Variants in P2RY8 observed in about 807,000 individuals in gnomAD.
The protein encoded by P2RY8 is P2Y receptor family member 8.
Under a neutral mutation model 10.0 loss-of-function variants are expected in P2RY8, and 6 were observed. That is an observed-to-expected ratio of 0.60 (90% CI 0.33 to 1.19). P2RY8 has a LOEUF of 1.19. Ranked by LOEUF, P2RY8 falls within the 50% of genes most tolerant of loss-of-function variation. The probability of loss-of-function intolerance (pLI) is 0.04; values close to 1 mark genes in which losing one functional copy is unlikely to be tolerated. For synonymous variants in P2RY8, 276 were observed against 252.5 expected (o/e 1.09, Z -0.88); for missense variants, 456 against 542.0 (o/e 0.84, Z 1.58).
chrX:1,465,892 T>A lies in P2RY8; in HGVS notation c.667A>T (p.Thr223Ser). The A allele has an allele frequency of 6.2e-7, 1 of 1,612,458 alleles. No homozygotes were observed. The highest frequency in any genetic ancestry group is 2.2e-5 in the East Asian group (1 of 44,860). The change falls in exon 2 of 2, where the codon ACG becomes TCG. Residue 223 changes from threonine to serine, a missense_variant. By Grantham distance (58) the Thr-to-Ser change is moderately conservative. Coordinates refer to ENST00000381297, the MANE Select transcript of P2RY8 (RefSeq NM_178129.5). ...YTATILKLLRTEEAHGREQRR... is the reference protein window; with the variant it reads ...YTATILKLLRSEEAHGREQRR... The stretch of plus-strand genomic sequence containing the variant: ...TGCTCCCGGCCGTGCGCCTCCTCCG[T>A]GCGCAACAGCTTGAGGATGGTGGCC...
intron 1 of P2RY8, among the ~76,000 whole-genome samples, chrX:1,535,006 G>A (rs756261801): frequency 6.6e-6 from 1 of 151,872 alleles, no homozygotes; most frequent in East Asian, 1.9e-4. Context: ...ACACAGGGTT[G>A]CCCACCGTCC....
intron 1 of P2RY8, among the ~76,000 whole-genome samples, chrX:1,473,875 G>GGA (rs2091836889): frequency 7.1e-6 from 1 of 141,470 alleles, no homozygotes; most frequent in African/African-American, 2.7e-5. Context: ...TGGATATGTG[G>GGA]GTGGATGCAT....
intron 1 of P2RY8, among the ~76,000 whole-genome samples, chrX:1,497,874 C>T (rs2092132951): frequency 6.6e-6 from 1 of 151,818 alleles, no homozygotes; most frequent in South Asian, 2.1e-4. Flanking sequence ...CCTAGCGGGT[C>T]CTTGCCATCC....
intron 1 of P2RY8, among the ~76,000 whole-genome samples, chrX:1,474,581 TG>T (rs2149380034): frequency 7.2e-6 from 1 of 139,674 alleles, no homozygotes; most frequent in South Asian, 2.2e-4. Context: ...GATGGATGGA[TG>T]GATGGATGGA....
Position 1,466,506 on chromosome X carries a change from C to T in P2RY8, c.53G>A (p.Arg18Gln), listed in dbSNP as rs768881939. Residue 18 changes from arginine to glutamine, a missense_variant, in exon 2 of 2, where the codon CGG (arginine) becomes CAG (glutamine). Coordinates refer to ENST00000381297, the MANE Select transcript of P2RY8 (RefSeq NM_178129.5). ...CAGGGCCACCGCGATCGCCGGGTTC[C>T]GCAGCATCTGCAGCGTCGCGTTGTC... is the stretch of plus-strand genomic sequence containing the variant. ...GPDNATLQML[R>Q]NPAIAVALPV... The T allele has an allele frequency of 2.5e-6, 4 of 1,610,882 alleles. No individual in the cohort carries two copies. In the African/African-American group the frequency reaches 5.3e-5, roughly 21 times the overall value.
chrX:1,497,304 G>A (rs1214576145), intron 1 of P2RY8, among the ~76,000 whole-genome samples: 2 of 148,102 alleles, frequency 1.4e-5, no homozygotes, highest in Admixed American at 6.7e-5. Flanking sequence ...TTTTTAAATA[G>A]CATGTTAATT....
intron 1 of P2RY8, among the ~76,000 whole-genome samples, chrX:1,511,637 A>T (rs1193784001): frequency 6.6e-6 from 1 of 152,132 alleles, no homozygotes; most frequent in African/African-American, 2.4e-5. Flanking sequence ...CTCCCACTTC[A>T]ACCTCCCAAA....
At chrX:1,509,751 G>GTCTGTCTATCTATCTATCTATCTATCTA in intron 1 of P2RY8, among the ~76,000 whole-genome samples, 1 of 78,302 alleles carries the variant, frequency 1.3e-5, no homozygotes, top group East Asian at 3.1e-4. Flanking sequence ...GTATCTATCT[G>GTCTGTCTATCTATCTATCTATCTATCTA]TCTATCTATC....
chrX:1,503,714 G>A (rs1391093366), intron 1 of P2RY8, among the ~76,000 whole-genome samples: 1 of 151,542 alleles, frequency 6.6e-6, no homozygotes, highest in Non-Finnish European at 1.5e-5. Flanking sequence ...GGCCAATGTG[G>A]CAAAACCCCG....
intron 1 of P2RY8, among the ~76,000 whole-genome samples, chrX:1,480,209 G>T (rs1213224200): frequency 2.0e-5 from 3 of 152,254 alleles, no homozygotes; most frequent in Admixed American, 6.5e-5. Context: ...ATCAACAAGG[G>T]TGACAGCAAC....
chrX:1,525,775 C>T (rs1318647351), intron 1 of P2RY8, among the ~76,000 whole-genome samples: 2 of 150,602 alleles, frequency 1.3e-5, no homozygotes, highest in African/African-American at 4.9e-5. Flanking sequence ...TCCATCTGTC[C>T]ATCCATCCAT....
rs2091646119 is a variant in P2RY8, at chrX:1,465,173, G to A, written c.*306C>T. On this transcript the variant is annotated 3_prime_UTR_variant, in exon 2 of 2. Coordinates refer to ENST00000381297, the MANE Select transcript of P2RY8 (RefSeq NM_178129.5). ...CTAAAAAAAATACAAAAATTAGCCG[G>A]GCGTGGTGACACAAGCTGTCCCCTG... The A allele has an allele frequency of 1.3e-5, 6 of 466,704 alleles. No homozygotes were observed. Among genetic ancestry groups the A allele is most frequent in the East Asian group, 3.4e-5 (1 of 29,308 alleles). 28.9% of individuals were successfully genotyped at this position (466,704 alleles called of 1,614,324 possible). A position where few individuals can be genotyped will look rare whatever the true frequency, so the allele number is the denominator to read the frequency against.
chrX:1,520,467 T>G (rs2092383024), intron 1 of P2RY8, among the ~76,000 whole-genome samples: 1 of 151,486 alleles, frequency 6.6e-6, no homozygotes, highest in Non-Finnish European at 1.5e-5. Context: ...CCCAATCATC[T>G]TCTTAGCCTC....
chrX:1,516,943 T>C (rs1456718040), intron 1 of P2RY8, among the ~76,000 whole-genome samples: 31 of 150,988 alleles, frequency 2.1e-4, no homozygotes, highest in Non-Finnish European at 4.1e-4. Flanking sequence ...AGCCACGCAG[T>C]CTATGGTATT....
chrX:1,492,914 G>C (rs1200482975), intron 1 of P2RY8, among the ~76,000 whole-genome samples: 7 of 151,910 alleles, frequency 4.6e-5, no homozygotes, highest in Non-Finnish European at 8.8e-5. Context: ...GCCTCTTTCT[G>C]GTTGTAGGTC....
At chrX:1,503,086 T>C (rs1336300831) in intron 1 of P2RY8, among the ~76,000 whole-genome samples, 2 of 151,016 alleles carry the variant, frequency 1.3e-5, no homozygotes, top group African/African-American at 4.9e-5. Flanking sequence ...ACAGGTGCCC[T>C]GGTAAAAGAC....
At position 1,523,506 on chromosome X, in the gene P2RY8, A is replaced by T. The variant is rs753441047; in HGVS notation, c.-25+13415T>A. On this transcript the variant is annotated intron_variant, in intron 1 of 1. Transcript: ENST00000381297. ...TCCCATTTAGGCTGAAAAATATTGC[A>T]GATTTGTGATTGCCAGAGGGAGGAG... Among the ~76,000 whole-genome samples the T allele has an allele frequency of 1.1e-4, 16 of 152,200 alleles. 1 individual carries two copies. Among genetic ancestry groups the T allele is most frequent in the Middle Eastern group, 3.4e-3 (1 of 294 alleles).
intron 1 of P2RY8, among the ~76,000 whole-genome samples, chrX:1,478,733 C>T (rs1199370649): frequency 6.6e-6 from 1 of 152,102 alleles, no homozygotes; most frequent in African/African-American, 2.4e-5. Context: ...CCACCTCGGC[C>T]TCCCAAAGTG....
At chrX:1,471,520 T>C (rs1231206793) in intron 1 of P2RY8, among the ~76,000 whole-genome samples, 2 of 150,820 alleles carry the variant, frequency 1.3e-5, no homozygotes, top group Non-Finnish European at 3.0e-5. Flanking sequence ...TTGGCCAGGC[T>C]GGTCTCAAAC....
Sources: allele counts gnomAD v4.1 joint callset (sites outside exome capture counted in the v4.1 genomes callset), GRCh38; gene constraint gnomAD v4.1.1; transcripts MANE v1.5; gene names NCBI Gene and HGNC (gene_info 2026-07-23, HGNC 2026-07-21).